RFC3: variants seen among roughly 807,000 people sequenced by gnomAD.
RFC3 encodes A1 38 kDa subunit.
RFC3 carries 41 observed loss-of-function variants against 45.1 expected under a neutral mutation model. The ratio of observed to expected loss-of-function variants is 0.91; its 90% CI spans 0.71 to 1.18. The LOEUF is 1.18. Ranked by LOEUF, RFC3 falls within the 50% of genes most tolerant of loss-of-function variation. RFC3 has a pLI of 0.00. For synonymous variants in RFC3, 149 were observed against 144.0 expected (o/e 1.03, Z -0.25); for missense variants, 423 against 428.1 (o/e 0.99, Z 0.10).
intron 8 of RFC3, among the ~76,000 whole-genome samples, chr13:33,922,391 T>G (rs1339153359): frequency 2.6e-5 from 4 of 152,072 alleles, no homozygotes; most frequent in African/African-American, 9.7e-5. Flanking sequence ...CAGGAAATAT[T>G]CAATTTAAGG....
intron 1 of RFC3, 112 bp downstream of exon 1, chr13:33,818,377 T>C: frequency 1.3e-6 from 1 of 779,802 alleles, no homozygotes; most frequent in South Asian, 1.7e-5. Flanking sequence ...TGATAAGTGC[T>C]ATGGAGAAAA....
intron 8 of RFC3, among the ~76,000 whole-genome samples, chr13:33,907,331 G>A (rs2082677821): frequency 6.6e-6 from 1 of 152,052 alleles, no homozygotes. Flanking sequence ...CAGAAATCCT[G>A]GATTGCTGTG....
chr13:33,843,750 C>G lies in RFC3; in HGVS notation c.879+8533C>G, dbSNP rs527904119. On this transcript the variant is annotated intron_variant, in intron 8 of 8. Transcript: ENST00000434425. Reference sequence around the variant, plus strand: ...ACTCTAATAAATTCACAGCTACCAACCAAGAAATGGGCTGTCAACACTGCC... The same window carrying G: ...ACTCTAATAAATTCACAGCTACCAAGCAAGAAATGGGCTGTCAACACTGCC... 1.8e-4 allele frequency among the ~76,000 whole-genome samples: 27 copies of G among 152,324 alleles called. No homozygotes were observed. The East Asian group carries it at 5.0e-3, about 28-fold the overall frequency.
At position 33,823,950 on chromosome 13, in the gene RFC3, A is replaced by G. The variant is rs1410413943; in HGVS notation, c.259A>G (p.Ile87Val). 8 of 1,568,188 alleles carry G rather than the reference A, an allele frequency of 5.1e-6. No homozygotes were observed. The highest frequency in any genetic ancestry group is 7.0e-6 in the Non-Finnish European group (8 of 1,144,758). ...TAAAAAAAAAATTGAAATTAGCACC[A>G]TTGCAAGTAACTACCACCTTGAAGT... Reference protein sequence around the residue: ...PSKKKIEISTIASNYHLEVNP... With the variant: ...PSKKKIEISTVASNYHLEVNP... The change falls in exon 3 of 9, where the codon ATT becomes GTT. Residue 87 changes from isoleucine (I) to valine (V), a missense_variant. Coordinates refer to ENST00000380071, the MANE Select transcript of RFC3 (RefSeq NM_002915.4).
In RFC3 at chr13:33,825,803, G is replaced by A. The variant is rs1230118990; in HGVS notation, c.308G>A (p.Ser103Asn). Reference sequence around the variant, plus strand: ...GTTTTGTGTAGTGATGCTGGAAATAGTGACCGAGTAGTCATTCAGGAGATG... The same window carrying A: ...GTTTTGTGTAGTGATGCTGGAAATAATGACCGAGTAGTCATTCAGGAGATG... ...LEVNPSDAGNSDRVVIQEMLK... is the reference protein window; with the variant it reads ...LEVNPSDAGNNDRVVIQEMLK... The change falls in exon 4 of 9, where the codon AGT becomes AAT. Residue 103 changes from serine to asparagine, a missense_variant. Coordinates refer to ENST00000380071, the MANE Select transcript of RFC3 (RefSeq NM_002915.4). 3 of 1,598,496 alleles carry A rather than the reference G, an allele frequency of 1.9e-6. No homozygotes were observed. The highest frequency in any genetic ancestry group is 1.3e-5 in the African/African-American group (1 of 74,232).
intron 8 of RFC3, among the ~76,000 whole-genome samples, chr13:33,842,885 A>G (rs1672623766): frequency 6.6e-6 from 1 of 152,162 alleles, no homozygotes; most frequent in Admixed American, 6.5e-5. Context: ...TTCTTTAAAA[A>G]TCTATGATTT....
chr13:33,953,103 A>G (rs1160990194), intron 8 of RFC3, among the ~76,000 whole-genome samples: 1 of 152,114 alleles, frequency 6.6e-6, no homozygotes, highest in Non-Finnish European at 1.5e-5. Context: ...TAAATATATA[A>G]TTTTGGGGGA....
downstream of RFC3, among the ~76,000 whole-genome samples, chr13:33,968,039 A>C (rs556920352): frequency 6.6e-6 from 1 of 152,216 alleles, no homozygotes; most frequent in Admixed American, 6.5e-5. Flanking sequence ...ATTGTCACCC[A>C]TGAAGGGTTA....
intron 8 of RFC3, among the ~76,000 whole-genome samples, chr13:33,962,396 A>G (rs2083062759): frequency 6.6e-6 from 1 of 152,098 alleles, no homozygotes; most frequent in South Asian, 2.1e-4. Flanking sequence ...CTTGCTTCTT[A>G]TCAACCTAAC....
At chr13:33,900,406 T>C (rs886504133) in intron 8 of RFC3, among the ~76,000 whole-genome samples, 1 of 151,626 alleles carries the variant, frequency 6.6e-6, no homozygotes, top group Non-Finnish European at 1.5e-5. Context: ...TTTGACAAAG[T>C]TTCCAAGAAT....
chr13:33,873,455 T>C (rs1378123193), intron 8 of RFC3, among the ~76,000 whole-genome samples: 1 of 152,192 alleles, frequency 6.6e-6, no homozygotes, highest in East Asian at 1.9e-4. Context: ...GGCTTATTAT[T>C]ATACCAGAAA....
At chr13:33,925,531 C>CTAT (rs2082804145) in intron 8 of RFC3, among the ~76,000 whole-genome samples, 1 of 146,112 alleles carries the variant, frequency 6.8e-6, no homozygotes, top group African/African-American at 2.5e-5. Context: ...TATATACATA[C>CTAT]ATACATAGTG....
downstream of RFC3, among the ~76,000 whole-genome samples, chr13:33,969,328 A>C (rs1215211538): frequency 1.3e-5 from 2 of 152,242 alleles, no homozygotes; most frequent in Admixed American, 1.3e-4. Flanking sequence ...AACCTTGGCA[A>C]CTTAGAGACA....
At chr13:33,835,253 A>G (rs769614237) in intron 8 of RFC3, 36 bp downstream of exon 8, 17 of 1,410,816 alleles carry the variant, frequency 1.2e-5, no homozygotes, top group South Asian at 8.0e-5. Context: ...TTTTACAGCT[A>G]TAAAATTTGG....
At chr13:33,968,993 C>A (rs1281308069), downstream of RFC3, among the ~76,000 whole-genome samples, 1 of 152,176 alleles carries the variant, frequency 6.6e-6, no homozygotes. Context: ...ACAGTTCACC[C>A]ACCGTACAAA....
At chr13:33,937,778 G>A (rs1006351549) in intron 8 of RFC3, among the ~76,000 whole-genome samples, 4 of 152,108 alleles carry the variant, frequency 2.6e-5, no homozygotes, top group African/African-American at 9.7e-5. Flanking sequence ...AATGCTAAGT[G>A]GCTGCCTGAG....
downstream of RFC3, among the ~76,000 whole-genome samples, chr13:33,839,918 C>CA (rs2082185362): frequency 1.3e-5 from 2 of 152,130 alleles, no homozygotes; most frequent in Non-Finnish European, 2.9e-5. Flanking sequence ...TGTAGTTTGA[C>CA]AGTTTTTCTT....
At chr13:33,835,786 CT>C (rs899822352) in intron 8 of RFC3, among the ~76,000 whole-genome samples, 2 of 152,116 alleles carry the variant, frequency 1.3e-5, no homozygotes, top group African/African-American at 2.4e-5. Flanking sequence ...ATTGGTGGAA[CT>C]TTAGGTTGTC....
chr13:33,860,824 C>T (rs968935831), intron 8 of RFC3, among the ~76,000 whole-genome samples: 2 of 152,150 alleles, frequency 1.3e-5, no homozygotes, highest in Non-Finnish European at 2.9e-5. Flanking sequence ...TTTCATAAAA[C>T]CAGCAAGTCC....
Sources: allele counts gnomAD v4.1 joint callset (sites outside exome capture counted in the v4.1 genomes callset), GRCh38; gene constraint gnomAD v4.1.1; transcripts MANE v1.5; gene names NCBI Gene and HGNC (gene_info 2026-07-23, HGNC 2026-07-21).